PXK: variants seen among roughly 807,000 people sequenced by gnomAD.
The protein encoded by PXK is PX domain containing serine/threonine kinase like, also known as PX domain-containing protein kinase-like protein.
Under a neutral mutation model 84.7 loss-of-function variants are expected in PXK, and 35 were observed. The ratio of observed to expected loss-of-function variants is 0.41; its 90% confidence interval spans 0.32 to 0.55. PXK has a LOEUF of 0.55. Ranked by LOEUF, PXK falls within the 20% of genes least tolerant of loss-of-function variation. PXK has a pLI of 0.21. For missense variants in PXK, 634 were observed against 699.7 expected, an observed-to-expected ratio of 0.91 and a Z score of 1.06; for synonymous variants, 253 against 260.8, an observed-to-expected ratio of 0.97 and a Z score of 0.29.
chr3:58,377,477 C>T (rs983870184), intron 3 of PXK, among the ~76,000 whole-genome samples: 3 of 151,892 alleles, frequency 2.0e-5, no homozygotes, highest in Non-Finnish European at 2.9e-5. Context: ...ATTAAAATGC[C>T]GATCTCATGC....
intron 17 of PXK, 49 bp from the exon 18 acceptor site, chr3:58,424,703 C>T (rs1440574822): frequency 1.1e-5 from 18 of 1,585,596 alleles, no homozygotes; most frequent in Non-Finnish European, 1.5e-5. Context: ...AGCGTGTGTG[C>T]AGGGCAGCTG....
intron 16 of PXK, among the ~76,000 whole-genome samples, chr3:58,410,994 G>T (rs547756201): frequency 1.5e-4 from 23 of 152,318 alleles, no homozygotes; most frequent in African/African-American, 5.5e-4. Context: ...AAGCCAAGGG[G>T]TTAGCATCCA....
intron 3 of PXK, among the ~76,000 whole-genome samples, chr3:58,373,931 G>A (rs919892490): frequency 3.3e-5 from 5 of 151,694 alleles, no homozygotes; most frequent in Non-Finnish European, 7.4e-5. Flanking sequence ...TGTAGTCCCA[G>A]CTACTCGGGA....
At chr3:58,391,300 A>G in intron 6 of PXK, 80 bp downstream of exon 6, 1 of 1,248,800 alleles carries the variant, frequency 8.0e-7, no homozygotes, top group Non-Finnish European at 1.2e-6. Context: ...AGAATTACAA[A>G]ATTGTACTGT....
At chr3:58,394,971 A>T in intron 7 of PXK, 27 bp from the exon 8 acceptor site, 1 of 1,541,838 alleles carries the variant, frequency 6.5e-7, no homozygotes, top group Non-Finnish European at 9.0e-7. Context: ...ACGCAAATCA[A>T]TGTGAATTTC....
At position 58,425,374 on chromosome 3, in the gene PXK, A is replaced by G. The variant is rs570938540; in HGVS notation, c.*414A>G. The G allele has an allele frequency of 4.7e-4, 78 of 165,824 alleles. 1 individual carries two copies. In the South Asian group the frequency reaches 0.012, roughly 25 times the overall value. The allele number at this position is 165,824 out of a possible 1,614,324, so 10.3% of individuals were successfully genotyped here. The stretch of plus-strand genomic sequence containing the variant: ...CCTAGAAACATTCCTCTTACAGTTC[A>G]TTTCTCTAAAGCATTTTCTGATTCT... On this transcript the variant is annotated 3_prime_UTR_variant, in exon 18 of 18. Transcript: ENST00000356151.
Position 58,385,894 on chromosome 3 carries a change from TTC to T in PXK, c.388+3196_388+3197del, listed in dbSNP as rs552506991. On this transcript the variant is annotated intron_variant, in intron 4 of 17. Coordinates refer to ENST00000356151, the MANE Select transcript of PXK (RefSeq NM_017771.5). This position sits in a 1 kb window ranked among gnomAD's most constrained non-coding sequence, Gnocchi z 5.1. ...CAGCTTCATTTCAGCAGGATTTGAG[TTC>T]TGTGTTCAAGTGGTGGCCAGAATCA... Among the ~76,000 whole-genome samples, 1 of 152,104 alleles carries T rather than the reference TTC, an allele frequency of 6.6e-6. No homozygotes were observed. Among genetic ancestry groups the T allele is most frequent in the Non-Finnish European group, 1.5e-5 (1 of 68,018 alleles).
At chr3:58,353,645 T>C (rs1258377392) in intron 1 of PXK, among the ~76,000 whole-genome samples, 1 of 152,226 alleles carries the variant, frequency 6.6e-6, no homozygotes, top group African/African-American at 2.4e-5. Context: ...TCCTGCAAGC[T>C]GAATTCTATG....
Position 58,332,894 on chromosome 3 carries a change from T to A in PXK, c.-95T>A. 1.3e-6 allele frequency: 1 copy of A among 748,898 alleles called. No homozygotes were observed. The highest frequency in any genetic ancestry group is 1.8e-6 in the Non-Finnish European group (1 of 570,470). The allele number at this position is 748,898 out of a possible 1,614,324, so 46.4% of individuals were successfully genotyped here. ...CGGCGGCGCGTGGGGCGGCGCGTGT[T>A]GACAGCGGCGGCGGTGGAACCGGGC... On this transcript the variant is annotated 5_prime_UTR_variant, in exon 1 of 18. Coordinates refer to ENST00000356151, the MANE Select transcript of PXK (RefSeq NM_017771.5). The surrounding 1 kb of genome is among the most constrained non-coding windows in gnomAD (Gnocchi z 5.6).
intron 3 of PXK, 70 bp from the exon 4 acceptor site, chr3:58,382,444 G>A: frequency 1.5e-6 from 2 of 1,296,316 alleles, no homozygotes; most frequent in Non-Finnish European, 2.0e-6. Flanking sequence ...AAATATGATA[G>A]GTCAAGATTT....
rs543271069 is a variant in PXK, at chr3:58,339,907, T to C, written c.102+6817T>C. 6.7e-3 allele frequency among the ~76,000 whole-genome samples: 1,015 copies of C among 151,974 alleles called. 11 individuals carry two copies. Among genetic ancestry groups the C allele is most frequent in the Non-Finnish European group, 9.3e-3 (630 of 67,948 alleles). On this transcript the variant is annotated intron_variant, in intron 1 of 17. Coordinates refer to ENST00000356151, the MANE Select transcript of PXK (RefSeq NM_017771.5). ...TCGGCTCACTGCAACCTCCACCTCC[T>C]GGATTCAAGCGATTCTCCTGCGTCA...
chr3:58,423,565 A>G, intron 17 of PXK: 1 of 1,517,892 alleles, frequency 6.6e-7, no homozygotes, highest in Non-Finnish European at 8.8e-7. Context: ...TACTTACCTG[A>G]GTATTGTGTT....
At position 58,391,818 on chromosome 3, in the gene PXK, T is replaced by C; in HGVS notation, c.586T>C (p.Cys196Arg). ...DKYLSDKDFQ[C>R]LIKLLPSCLH... ...GTATTTGTCAGATAAAGATTTTCAGTGTCTAATCAAACTTCTGCCTTCTTG... is the reference window on the plus strand; with the variant it reads ...GTATTTGTCAGATAAAGATTTTCAGCGTCTAATCAAACTTCTGCCTTCTTG... The change falls in exon 7 of 18, where the codon TGT (cysteine) becomes CGT (arginine). Residue 196 changes from cysteine (C) to arginine (R), a missense_variant. Transcript: ENST00000356151. 6.2e-7 allele frequency: 1 copy of C among 1,613,366 alleles called. No individual in the cohort carries two copies. Among genetic ancestry groups the C allele is most frequent in the Non-Finnish European group, 8.5e-7 (1 of 1,179,274 alleles).
rs139836273 is a variant in PXK, at chr3:58,397,940, C to A, written c.1102+218C>A. ...CCATTTGCCAGGCTATCTGAAATTT[C>A]TGGGAACTTTTTGCAAAATGCTTTA... On this transcript the variant is annotated intron_variant, in intron 11 of 17. Coordinates refer to ENST00000356151, the MANE Select transcript of PXK (RefSeq NM_017771.5). This position sits in a 1 kb window ranked among gnomAD's most constrained non-coding sequence, Gnocchi z 4.7. 4.2e-3 allele frequency among the ~76,000 whole-genome samples: 634 copies of A among 152,338 alleles called. 4 individuals carry two copies. The highest frequency in any genetic ancestry group is 0.015 in the African/African-American group (607 of 41,570).
Position 58,412,153 on chromosome 3 carries a change from GT to G in PXK, c.1466-745del, listed in dbSNP as rs2060297531. On this transcript the variant is annotated intron_variant, in intron 16 of 17. Transcript: ENST00000356151. This position sits in a 1 kb window ranked among gnomAD's most constrained non-coding sequence, Gnocchi z 6.2. ...TAGGATCTCTATGTGTGGGAGGGGGGTTTCTGTGTCCACAGAAAGGCTTACG... is the reference window on the plus strand; with the variant it reads ...TAGGATCTCTATGTGTGGGAGGGGGGTTCTGTGTCCACAGAAAGGCTTACG... Among the ~76,000 whole-genome samples, 1 of 152,110 alleles carries G rather than the reference GT, an allele frequency of 6.6e-6. No individual in the cohort carries two copies. Among genetic ancestry groups the G allele is most frequent in the Non-Finnish European group, 1.5e-5 (1 of 68,022 alleles).
chr3:58,383,256 C>T lies in PXK; in HGVS notation c.388+556C>T, dbSNP rs1470942474. 6.6e-6 allele frequency among the ~76,000 whole-genome samples: 1 copy of T among 152,190 alleles called. No homozygotes were observed. The highest frequency in any genetic ancestry group is 1.5e-5 in the Non-Finnish European group (1 of 68,038). ...GCAGTGAGCCGAGATAGCACCACTGCACTCTAGCCTAGGCAACAGAGCAAG... is the reference window on the plus strand; with the variant it reads ...GCAGTGAGCCGAGATAGCACCACTGTACTCTAGCCTAGGCAACAGAGCAAG... On this transcript the variant is annotated intron_variant, in intron 4 of 17. Coordinates refer to ENST00000356151, the MANE Select transcript of PXK (RefSeq NM_017771.5). The surrounding 1 kb of genome is among the most constrained non-coding windows in gnomAD (Gnocchi z 4.0).
chr3:58,362,962 C>T (rs967549824), intron 1 of PXK, among the ~76,000 whole-genome samples: 4 of 152,172 alleles, frequency 2.6e-5, no homozygotes, highest in Non-Finnish European at 5.9e-5. Flanking sequence ...GTGATCCTCC[C>T]GCCTTGGCCT....
intron 1 of PXK, among the ~76,000 whole-genome samples, chr3:58,359,529 CAA>C (rs1166326356): frequency 2.3e-4 from 18 of 77,012 alleles, no homozygotes; most frequent in South Asian, 4.0e-4. Flanking sequence ...GACTCTGTCT[CAA>C]AAAAAAAAAA....
chr3:58,354,591 C>T lies in PXK; in HGVS notation c.103-11283C>T, dbSNP rs1227148200. Among the ~76,000 whole-genome samples, 4 of 151,824 alleles carry T rather than the reference C, an allele frequency of 2.6e-5. No individual in the cohort carries two copies. The East Asian group carries it at 5.9e-4, about 22-fold the overall frequency. ...CCTCCTGAGTAGCTGGGATTACAGG[C>T]GCCCACCATCGTGCCTGGCTAATTT... On this transcript the variant is annotated intron_variant, in intron 1 of 17. Coordinates refer to ENST00000356151, the MANE Select transcript of PXK (RefSeq NM_017771.5).
Sources: gnomAD v4.1 joint callset for allele counts (sites outside exome capture counted in the v4.1 genomes callset) on GRCh38, gnomAD v4.1.1 for gene constraint, Gnocchi (gnomAD v3.1) non-coding constraint, MANE v1.5 for transcripts, NCBI Gene and HGNC (gene_info 2026-07-23, HGNC 2026-07-21) for gene names.